The following ROBO1 variants were observed in gnomAD, a reference collection of about 807,000 sequenced individuals.
ROBO1 encodes roundabout guidance receptor 1, also known as roundabout homolog 1.
ROBO1 carries 149 observed loss-of-function variants against 195.9 expected under a neutral mutation model. That is an observed-to-expected ratio of 0.76 (90% CI 0.67 to 0.87). ROBO1 has a LOEUF of 0.87. Among genes scored for constraint, ROBO1 ranks in the 40% least tolerant of loss-of-function variants. The probability of loss-of-function intolerance (pLI) is 0.00; values close to 1 mark genes in which losing one functional copy is unlikely to be tolerated. For missense variants in ROBO1, 1,933 were observed against 2,068.3 expected, an observed-to-expected ratio of 0.93 and a Z score of 1.27; for synonymous variants, 816 against 733.2, an observed-to-expected ratio of 1.11 and a Z score of -1.82.
intron 2 of ROBO1, among the ~76,000 whole-genome samples, chr3:79,350,557 T>A (rs1428338336): frequency 5.9e-5 from 9 of 152,160 alleles, no homozygotes; most frequent in Admixed American, 5.9e-4. Context: ...CATCAACTGA[T>A]GAATGGATAA....
rs373158142 is a variant in ROBO1, at chr3:79,487,625, C to A, written c.88+102199G>T. ...GACTCTTTAATTTTCATTCTCCTAA[C>A]ACTATGTTTAGGTTCTATGTTATTA... is the stretch of plus-strand genomic sequence containing the variant. On this transcript the variant is annotated intron_variant, in intron 2 of 30. Coordinates refer to ENST00000464233, the MANE Select transcript of ROBO1 (RefSeq NM_002941.4). Among the ~76,000 whole-genome samples, 38 of 152,248 alleles carry A rather than the reference C, an allele frequency of 2.5e-4. 1 individual carries two copies. The highest frequency in any genetic ancestry group is 1.7e-3 in the East Asian group (9 of 5,180).
Position 78,727,359 on chromosome 3 carries a change from G to C in ROBO1, c.658-9476C>G, listed in dbSNP as rs911236408. On this transcript the variant is annotated intron_variant, in intron 5 of 30. Transcript: ENST00000464233. ...AACTACATCTCGGCCGGGCGCGGTG[G>C]CTCATGCCTGTAATCCCAGCACTCT... 5.9e-5 allele frequency among the ~76,000 whole-genome samples: 9 copies of C among 152,172 alleles called. No individual in the cohort carries two copies. The East Asian group carries it at 1.7e-3, about 29-fold the overall frequency.
rs1206988902 is a variant in ROBO1 at position 79,575,306 on chromosome 3, TAA to T, written c.88+14516_88+14517del. Reference sequence around the variant, plus strand: ...TATAAATATATATAACAAATATATATAAATATATATATAACATATATATAAAT... The same window carrying T: ...TATAAATATATATAACAAATATATATATATATATATAACATATATATAAAT... On this transcript the variant is annotated intron_variant, in intron 2 of 30. Transcript: ENST00000464233. 2.4e-5 allele frequency among the ~76,000 whole-genome samples: 3 copies of T among 123,380 alleles called. No homozygotes were observed. In the Admixed American group the frequency reaches 2.8e-4, roughly 12 times the overall value. The allele number at this position is 123,380 out of a possible 152,430, so 80.9% of individuals were successfully genotyped here. A position where few individuals can be genotyped will look rare whatever the true frequency, so the allele number is the denominator to read the frequency against.
At chr3:78,979,561 A>G (rs2076949304) in intron 3 of ROBO1, among the ~76,000 whole-genome samples, 1 of 152,198 alleles carries the variant, frequency 6.6e-6, no homozygotes, top group Non-Finnish European at 1.5e-5. Context: ...AGAATCTCAG[A>G]GATTTGGGGA....
chr3:79,303,028 T>C (rs1221634307), intron 2 of ROBO1, among the ~76,000 whole-genome samples: 1 of 152,160 alleles, frequency 6.6e-6, no homozygotes, highest in Non-Finnish European at 1.5e-5. Context: ...TATTTATTCA[T>C]TTGTTTGTTC....
chr3:79,328,500 A>C (rs116726823), intron 2 of ROBO1, among the ~76,000 whole-genome samples: 1,806 of 152,320 alleles, frequency 0.012, 38 homozygotes, highest in African/African-American at 0.041. Flanking sequence ...AGTCATGCTT[A>C]GGAGTTGTAT....
chr3:79,629,956 A>G (rs1365776487), intron 1 of ROBO1, among the ~76,000 whole-genome samples: 3 of 152,052 alleles, frequency 2.0e-5, no homozygotes, highest in African/African-American at 7.2e-5. Flanking sequence ...AGAAAGGCTG[A>G]ACAGACCAAC....
chr3:79,760,236 CAAAAAAAAAAAAAAAAAAAA>C (rs11451206), intron 1 of ROBO1, among the ~76,000 whole-genome samples: 2 of 4,514 alleles, frequency 4.4e-4, no homozygotes, highest in African/African-American at 6.6e-4. Flanking sequence ...GACCCTATCT[CAAAAAAAAAAAAAAAAAAAA>C]AAAAAAAAAA....
intron 4 of ROBO1, among the ~76,000 whole-genome samples, chr3:78,922,053 G>T (rs935320617): frequency 6.6e-6 from 1 of 152,034 alleles, no homozygotes; most frequent in African/African-American, 2.4e-5. Context: ...CTCCCAAAGT[G>T]CTGGGATTAC....
At chr3:78,621,664 T>C (rs1704463871) in intron 26 of ROBO1, among the ~76,000 whole-genome samples, 1 of 152,214 alleles carries the variant, frequency 6.6e-6, no homozygotes, top group Non-Finnish European at 1.5e-5. Flanking sequence ...AAGTGGGACT[T>C]GTCGCAAATG....
At chr3:78,973,346 T>C (rs960417317) in intron 3 of ROBO1, among the ~76,000 whole-genome samples, 4 of 150,870 alleles carry the variant, frequency 2.7e-5, no homozygotes, top group Non-Finnish European at 4.4e-5. Context: ...ATGTCCCCTT[T>C]GTACTGAAAA....
At chr3:79,579,041 T>TA (rs1943579384) in intron 2 of ROBO1, among the ~76,000 whole-genome samples, 2 of 152,174 alleles carry the variant, frequency 1.3e-5, no homozygotes, top group African/African-American at 4.8e-5. Context: ...GACCCTTCCT[T>TA]AAAAAACATT....
intron 3 of ROBO1, among the ~76,000 whole-genome samples, chr3:79,039,068 T>A (rs2078433359): frequency 6.6e-6 from 1 of 152,328 alleles, no homozygotes; most frequent in South Asian, 2.1e-4. Context: ...AGAACGATGA[T>A]TGAAGACTCA....
chr3:79,071,661 C>A (rs2079091298), intron 3 of ROBO1, among the ~76,000 whole-genome samples: 1 of 151,310 alleles, frequency 6.6e-6, no homozygotes, highest in Non-Finnish European at 1.5e-5. Flanking sequence ...CCTCAACTTG[C>A]TATTCATGCC....
At chr3:78,892,740 C>G (rs2036979260) in intron 4 of ROBO1, among the ~76,000 whole-genome samples, 1 of 152,082 alleles carries the variant, frequency 6.6e-6, no homozygotes, top group South Asian at 2.1e-4. Flanking sequence ...GTTTAGTTCT[C>G]TTAATTTTTA....
chr3:79,009,145 G>A (rs1384687774), intron 3 of ROBO1, among the ~76,000 whole-genome samples: 7 of 145,478 alleles, frequency 4.8e-5, no homozygotes, highest in African/African-American at 1.8e-4. Context: ...GTAGAGACGG[G>A]GTTTCACCAT....
At chr3:79,605,450 T>C (rs1383229526) in intron 1 of ROBO1, among the ~76,000 whole-genome samples, 1 of 151,938 alleles carries the variant, frequency 6.6e-6, no homozygotes, top group Admixed American at 6.6e-5. Context: ...ATCTTCATTC[T>C]CCTGCCCCAC....
At chr3:79,383,954 ATTAG>A (rs1347444131) in intron 2 of ROBO1, among the ~76,000 whole-genome samples, 4 of 152,006 alleles carry the variant, frequency 2.6e-5, no homozygotes, top group South Asian at 2.1e-4. Context: ...GCCCTACTTA[ATTAG>A]TTAGTTGTTT....
chr3:79,671,378 T>C lies in ROBO1; in HGVS notation c.-50-81417A>G, dbSNP rs538866905. ...ATCCAGAGAAAACAAATAGGTACCC[T>C]ATAAGAATATCTAATAAATTTTACC... On this transcript the variant is annotated intron_variant, in intron 1 of 30. Coordinates refer to ENST00000464233, the MANE Select transcript of ROBO1 (RefSeq NM_002941.4). Among the ~76,000 whole-genome samples, 54 of 151,982 alleles carry C rather than the reference T, an allele frequency of 3.6e-4. 1 individual carries two copies. The highest frequency in any genetic ancestry group is 1.3e-3 in the African/African-American group (52 of 41,534).
Sources: allele counts gnomAD v4.1 joint callset (sites outside exome capture counted in the v4.1 genomes callset), GRCh38; gene constraint gnomAD v4.1.1; transcripts MANE v1.5; gene names NCBI Gene and HGNC (gene_info 2026-07-23, HGNC 2026-07-21).